Variants in TMEM132D observed in about 807,000 individuals in gnomAD.
TMEM132D encodes mature OL transmembrane protein.
In TMEM132D, 21 loss-of-function variants were observed where a neutral mutation model predicts 62.3. That is an observed-to-expected ratio of 0.34 (90% CI 0.24 to 0.49). The LOEUF (loss-of-function observed/expected upper bound fraction) is 0.49, where lower values mean the gene tolerates loss of function less well. Among genes scored for constraint, TMEM132D ranks in the 20% least tolerant of loss-of-function variants. The pLI is 0.99. For missense variants in TMEM132D, 1,346 were observed against 1,402.8 expected, an observed-to-expected ratio of 0.96 and a Z score of 0.65; for synonymous variants, 621 against 575.6, an observed-to-expected ratio of 1.08 and a Z score of -1.13.
At chr12:129,523,579 G>A (rs1875922161) in intron 3 of TMEM132D, among the ~76,000 whole-genome samples, 1 of 152,134 alleles carries the variant, frequency 6.6e-6, no homozygotes, top group African/African-American at 2.4e-5. Context: ...ACTCAGTGCC[G>A]TTACCCACGA....
chr12:129,312,398 T>C (rs1262962137), intron 4 of TMEM132D, among the ~76,000 whole-genome samples: 1 of 152,162 alleles, frequency 6.6e-6, no homozygotes, highest in Non-Finnish European at 1.5e-5. Context: ...ATCTGGAATA[T>C]TGGACAGGCA....
intron 5 of TMEM132D, among the ~76,000 whole-genome samples, chr12:129,181,766 C>T (rs1878071979): frequency 6.6e-6 from 1 of 152,136 alleles, no homozygotes; most frequent in Admixed American, 6.5e-5. Flanking sequence ...ATTCCATTTC[C>T]AAGTCATCAT....
intron 1 of TMEM132D, among the ~76,000 whole-genome samples, chr12:129,872,377 C>G (rs1874276781): frequency 6.6e-6 from 1 of 152,172 alleles, no homozygotes; most frequent in South Asian, 2.1e-4. Context: ...CCCAATGGAA[C>G]AACTCTCCTG....
chr12:129,128,357 G>A (rs973733574), intron 5 of TMEM132D, among the ~76,000 whole-genome samples: 1 of 152,174 alleles, frequency 6.6e-6, no homozygotes, highest in Non-Finnish European at 1.5e-5. Context: ...CCACATGGCT[G>A]GGGAGGCCTC....
In TMEM132D at chr12:129,073,913, G is replaced by C. The variant is rs2135601296; in HGVS notation, c.3262C>G (p.Leu1088Val). Reference protein sequence around the residue: ...QDLDPGDCKELHNYMERLHEN... With the variant: ...QDLDPGDCKEVHNYMERLHEN... Reference sequence around the variant, plus strand: ...TGTAACCTCTCCATGTAGTTGTGCAGCTCTTTGCAGTCCCCAGGGTCCAGA... The same window carrying C: ...TGTAACCTCTCCATGTAGTTGTGCACCTCTTTGCAGTCCCCAGGGTCCAGA... The change falls in exon 9 of 9, where the codon CTG becomes GTG. Residue 1088 changes from leucine (L) to valine (V), a missense_variant. Physicochemically the swap from Leu to Val is conservative, Grantham distance 32. Coordinates refer to ENST00000422113, the MANE Select transcript of TMEM132D (RefSeq NM_133448.3). 6.4e-7 allele frequency: 1 copy of C among 1,573,674 alleles called. No homozygotes were observed. The highest frequency in any genetic ancestry group is 8.6e-7 in the Non-Finnish European group (1 of 1,161,436).
Position 129,604,769 on chromosome 12 carries a change from G to A in TMEM132D, c.969-73564C>T, listed in dbSNP as rs182051135. 7.2e-4 allele frequency among the ~76,000 whole-genome samples: 110 copies of A among 152,262 alleles called. 1 individual carries two copies. Among genetic ancestry groups the A allele is most frequent in the Non-Finnish European group, 1.4e-3 (94 of 68,024 alleles). ...AGCATGAGATTTAATTATCATTATC[G>A]TTATCTAAGCTTGACTAGCTTCAAA... On this transcript the variant is annotated intron_variant, in intron 2 of 8. Transcript: ENST00000422113.
intron 4 of TMEM132D, among the ~76,000 whole-genome samples, chr12:129,309,624 T>C (rs1411111893): frequency 6.6e-6 from 1 of 152,206 alleles, no homozygotes; most frequent in Non-Finnish European, 1.5e-5. Context: ...ATGCTGGGTC[T>C]GTGAAATGGG....
At chr12:129,449,306 A>G (rs1304339808) in intron 3 of TMEM132D, among the ~76,000 whole-genome samples, 1 of 152,238 alleles carries the variant, frequency 6.6e-6, no homozygotes, top group Non-Finnish European at 1.5e-5. Context: ...AGAATAAGTT[A>G]GGTGATGTTT....
At chr12:129,870,559 T>A (rs1471187933) in intron 1 of TMEM132D, among the ~76,000 whole-genome samples, 1 of 152,138 alleles carries the variant, frequency 6.6e-6, no homozygotes, top group Non-Finnish European at 1.5e-5. Context: ...AAGCTCGGCA[T>A]CCCTCCCATC....
intron 4 of TMEM132D, among the ~76,000 whole-genome samples, chr12:129,318,976 C>A (rs1453795277): frequency 6.6e-6 from 1 of 152,170 alleles, no homozygotes; most frequent in East Asian, 1.9e-4. Context: ...CCATTGTGCC[C>A]TCCGCAACAG....
chr12:129,718,350 AG>A (rs1868671239), intron 1 of TMEM132D, among the ~76,000 whole-genome samples: 1 of 152,102 alleles, frequency 6.6e-6, no homozygotes, highest in Non-Finnish European at 1.5e-5. Flanking sequence ...CAGGGAGGGG[AG>A]GGGAAGGGGG....
At chr12:129,083,407 A>G (rs58003804) in intron 6 of TMEM132D, among the ~76,000 whole-genome samples, 12,679 of 152,316 alleles carry the variant, frequency 0.083, 647 homozygotes, top group East Asian at 0.16. Context: ...GATGCACTGC[A>G]GTGAGACTCA....
At chr12:129,558,476 G>T (rs949523470) in intron 2 of TMEM132D, among the ~76,000 whole-genome samples, 1 of 152,142 alleles carries the variant, frequency 6.6e-6, no homozygotes, top group Non-Finnish European at 1.5e-5. Flanking sequence ...GGCTACAGGC[G>T]ACTAGATCAG....
chr12:129,750,412 T>C (rs1442309633), intron 1 of TMEM132D, among the ~76,000 whole-genome samples: 2 of 152,214 alleles, frequency 1.3e-5, no homozygotes, highest in East Asian at 1.9e-4. Context: ...TGGAGAAAGT[T>C]ATTTTCTAAT....
At chr12:129,791,870 C>G (rs1279840218) in intron 1 of TMEM132D, among the ~76,000 whole-genome samples, 1 of 152,138 alleles carries the variant, frequency 6.6e-6, no homozygotes, top group African/African-American at 2.4e-5. Context: ...GACCTATTTT[C>G]CAGGAGGCTG....
At chr12:129,665,044 T>A (rs1880343182) in intron 2 of TMEM132D, among the ~76,000 whole-genome samples, 1 of 152,168 alleles carries the variant, frequency 6.6e-6, no homozygotes. Flanking sequence ...ACTACCACAT[T>A]ATTAACTACT....
intron 4 of TMEM132D, among the ~76,000 whole-genome samples, chr12:129,292,346 T>C (rs150623122): frequency 1.2e-4 from 18 of 152,318 alleles, no homozygotes; most frequent in African/African-American, 4.3e-4. Flanking sequence ...CATTAGCGTA[T>C]CTGAAAGTAG....
At chr12:129,131,920 G>GA (rs1209929474) in intron 5 of TMEM132D, among the ~76,000 whole-genome samples, 4 of 152,038 alleles carry the variant, frequency 2.6e-5, no homozygotes, top group Non-Finnish European at 5.9e-5. Flanking sequence ...ACTTTTATAG[G>GA]AGACCACAGG....
At chr12:129,412,876 G>A (rs975035998) in intron 3 of TMEM132D, among the ~76,000 whole-genome samples, 2 of 152,048 alleles carry the variant, frequency 1.3e-5, no homozygotes, top group Admixed American at 1.3e-4. Context: ...AACAACACAT[G>A]AGGAAGAAAG....
Sources: gnomAD v4.1 joint callset for allele counts (sites outside exome capture counted in the v4.1 genomes callset) on GRCh38, gnomAD v4.1.1 for gene constraint, MANE v1.5 for transcripts, NCBI Gene and HGNC (gene_info 2026-07-23, HGNC 2026-07-21) for gene names.